AGMO: variants seen among roughly 807,000 people sequenced by gnomAD.
AGMO encodes alkylglycerol monooxygenase, also known as glyceryl-ether monooxygenase.
AGMO carries 75 observed loss-of-function variants against 60.2 expected under a neutral mutation model. The ratio of observed to expected loss-of-function variants is 1.25; its 90% CI spans 1.03 to 1.51. AGMO has a LOEUF of 1.51. AGMO is among the 40% of genes most tolerant of loss of function. AGMO has a pLI of 0.00. For missense variants in AGMO, 763 were observed against 525.5 expected (o/e 1.45, Z -4.42); for synonymous variants, 261 against 177.1 (o/e 1.47, Z -3.76).
intron 12 of AGMO, among the ~76,000 whole-genome samples, chr7:15,214,617 A>G (rs1781683771): frequency 6.6e-6 from 1 of 152,020 alleles, no homozygotes; most frequent in South Asian, 2.1e-4. Context: ...AAGGGAAAAG[A>G]GCAGAGGAAA....
At position 15,322,563 on chromosome 7, in the gene AGMO, TAA is replaced by T. The variant is rs1484360806; in HGVS notation, c.1263+42949_1263+42950del. On this transcript the variant is annotated intron_variant, in intron 12 of 12. Coordinates refer to ENST00000342526, the MANE Select transcript of AGMO (RefSeq NM_001004320.2). ...ATATATATAAATATATATAAATATATAAATATATATAAATATATATAAATATA... is the reference window on the plus strand; with the variant it reads ...ATATATATAAATATATATAAATATATATATATATAAATATATATAAATATA... 5.4e-3 allele frequency among the ~76,000 whole-genome samples: 246 copies of T among 45,690 alleles called. 13 individuals are homozygous for T. The highest frequency in any genetic ancestry group is 0.029 in the African/African-American group (231 of 7,892). The allele number at this position is 45,690 out of a possible 152,430, so 30.0% of individuals were successfully genotyped here. A position where few individuals can be genotyped will look rare whatever the true frequency, so the allele number is the denominator to read the frequency against.
chr7:15,337,764 ACTG>A (rs1781709557), intron 12 of AGMO, among the ~76,000 whole-genome samples: 1 of 152,210 alleles, frequency 6.6e-6, no homozygotes, highest in African/African-American at 2.4e-5. Context: ...GAGTGCAGCG[ACTG>A]CTGAGTCTCA....
the AGMO span, among the ~76,000 whole-genome samples, chr7:15,141,586 AAAAC>A: frequency 6.6e-5 from 10 of 152,156 alleles, no homozygotes; most frequent in Admixed American, 6.5e-4. Context: ...AATCCGCCTC[AAAAC>A]AAACAAACAA....
At chr7:15,152,115 T>C in the AGMO span, among the ~76,000 whole-genome samples, 16 of 152,308 alleles carry the variant, frequency 1.1e-4, no homozygotes, top group Non-Finnish European at 2.2e-4. Flanking sequence ...TTCTTTTGAA[T>C]TGAACCTTTT....
chr7:15,286,250 C>T (rs962457399), intron 12 of AGMO, among the ~76,000 whole-genome samples: 1 of 151,982 alleles, frequency 6.6e-6, no homozygotes, highest in Admixed American at 6.6e-5. Flanking sequence ...AAAGCTTCTG[C>T]ACAGCAAAAG....
At chr7:15,323,145 A>G (rs1781233845) in intron 12 of AGMO, among the ~76,000 whole-genome samples, 1 of 152,064 alleles carries the variant, frequency 6.6e-6, no homozygotes, top group Admixed American at 6.6e-5. Flanking sequence ...AGACTTCTTT[A>G]TAATTTCCAA....
chr7:15,497,301 A>G (rs1385073687), intron 3 of AGMO, among the ~76,000 whole-genome samples: 1 of 152,044 alleles, frequency 6.6e-6, no homozygotes, highest in African/African-American at 2.4e-5. Flanking sequence ...TGACTTGTCA[A>G]ACTCCAAAGC....
At chr7:15,319,831 C>G (rs919744880) in intron 12 of AGMO, among the ~76,000 whole-genome samples, 1 of 151,738 alleles carries the variant, frequency 6.6e-6, no homozygotes, top group Non-Finnish European at 1.5e-5. Flanking sequence ...GAGATATATG[C>G]CAAGCTTTAA....
chr7:15,248,332 A>G (rs1782829231), intron 12 of AGMO, among the ~76,000 whole-genome samples: 1 of 150,854 alleles, frequency 6.6e-6, no homozygotes, highest in African/African-American at 2.4e-5. Flanking sequence ...AGGATCATAT[A>G]GAACATGCTG....
intron 5 of AGMO, among the ~76,000 whole-genome samples, chr7:15,417,921 G>T (rs1562497077): frequency 6.6e-6 from 1 of 152,000 alleles, no homozygotes; most frequent in Non-Finnish European, 1.5e-5. Flanking sequence ...GTGATTTTTG[G>T]TATTTTAGCA....
chr7:15,244,538 T>G (rs530687375), intron 12 of AGMO, among the ~76,000 whole-genome samples: 44 of 152,236 alleles, frequency 2.9e-4, no homozygotes, highest in Non-Finnish European at 5.0e-4. Context: ...AATCTTTATA[T>G]TCTATAGAAA....
At chr7:15,127,929 C>T in the AGMO span, among the ~76,000 whole-genome samples, 3 of 151,988 alleles carry the variant, frequency 2.0e-5, no homozygotes, top group Non-Finnish European at 4.4e-5. Context: ...TTCTTCACCC[C>T]TTTCTCCATT....
chr7:15,360,585 G>A (rs1782710656), intron 12 of AGMO, among the ~76,000 whole-genome samples: 1 of 152,282 alleles, frequency 6.6e-6, no homozygotes, highest in Admixed American at 6.5e-5. Context: ...AGTCTGAGGA[G>A]GAGGAGGAAG....
rs571292096 is a variant in AGMO at position 15,265,125 on chromosome 7, T to A, written c.1264-63766A>T. On this transcript the variant is annotated intron_variant, in intron 12 of 12. Coordinates refer to ENST00000342526, the MANE Select transcript of AGMO (RefSeq NM_001004320.2). ...TATTAAAAAAGAATGAAATCATGTC[T>A]TTTCAAATAAGATGGATGCAGTTGG... is the stretch of plus-strand genomic sequence containing the variant. Among the ~76,000 whole-genome samples the A allele has an allele frequency of 1.1e-4, 16 of 152,240 alleles. No individual in the cohort carries two copies. In the East Asian group the frequency reaches 3.1e-3, roughly 29 times the overall value.
chr7:15,388,662 A>G (rs1207679105), intron 8 of AGMO, among the ~76,000 whole-genome samples: 8 of 152,202 alleles, frequency 5.3e-5, no homozygotes, highest in Non-Finnish European at 1.0e-4. Context: ...ACGCCTAATA[A>G]TAAGGAAAAC....
At chr7:15,436,926 C>T (rs1437740960) in intron 3 of AGMO, among the ~76,000 whole-genome samples, 1 of 152,112 alleles carries the variant, frequency 6.6e-6, no homozygotes, top group Non-Finnish European at 1.5e-5. Context: ...AACAAGATAT[C>T]TAAATATAAA....
At chr7:15,161,829 A>AT in the AGMO span, among the ~76,000 whole-genome samples, 1 of 152,074 alleles carries the variant, frequency 6.6e-6, no homozygotes, top group African/African-American at 2.4e-5. Context: ...TCCTGTTAGT[A>AT]TGTGGCCTGC....
chr7:15,144,853 G>T, the AGMO span, among the ~76,000 whole-genome samples: 2 of 152,162 alleles, frequency 1.3e-5, no homozygotes, highest in Non-Finnish European at 2.9e-5. Flanking sequence ...TTGTTGAGAC[G>T]GAGTCTCGCT....
intron 12 of AGMO, among the ~76,000 whole-genome samples, chr7:15,273,662 G>A (rs1016228820): frequency 1.6e-4 from 24 of 152,158 alleles, no homozygotes; most frequent in Non-Finnish European, 2.9e-5. Context: ...TGTGAAGAAA[G>A]TCACTGGTAG....
Sources: gnomAD v4.1 joint callset for allele counts (sites outside exome capture counted in the v4.1 genomes callset) on GRCh38, gnomAD v4.1.1 for gene constraint, MANE v1.5 for transcripts, NCBI Gene and HGNC (gene_info 2026-07-23, HGNC 2026-07-21) for gene names.